The following SCN11A variants were observed in gnomAD, a reference collection of about 807,000 sequenced individuals.
The protein encoded by SCN11A is sodium channel protein type 11 subunit alpha.
In SCN11A, 122 loss-of-function variants were observed where a neutral mutation model predicts 162.2. The observed-to-expected ratio is 0.75, with a 90% CI of 0.65 to 0.87. The LOEUF is 0.87. Ranked by LOEUF, SCN11A falls within the 40% of genes least tolerant of loss-of-function variation. The pLI is 0.00. For synonymous variants in SCN11A, 758 were observed against 751.5 expected, an observed-to-expected ratio of 1.01 and a Z score of -0.14; for missense variants, 2,015 against 2,181.6, an observed-to-expected ratio of 0.92 and a Z score of 1.52.
At chr3:38,893,682 G>C (rs181077404) in intron 19 of SCN11A, among the ~76,000 whole-genome samples, 65 of 152,036 alleles carry the variant, frequency 4.3e-4, no homozygotes, top group African/African-American at 1.3e-3. Context: ...TGATCACAAT[G>C]GAGTGAAATT....
rs756763510 is a variant in SCN11A, at chr3:38,880,066, T to C, written c.3277A>G (p.Thr1093Ala). The C allele has an allele frequency of 6.2e-7, 1 of 1,610,678 alleles. No homozygotes were observed. ...AAAATATGTGTAAAAATAATGTCAG[T>C]ACAATTTAGTAATTCTTGGATTTTG... Reference protein sequence around the residue: ...QPKIQELLNCTDIIFTHIFIL... With the variant: ...QPKIQELLNCADIIFTHIFIL... The change falls in exon 23 of 30, where the codon ACT becomes GCT. Residue 1093 changes from threonine (T) to alanine (A), a missense_variant. By Grantham distance (58) the Thr-to-Ala change is moderately conservative (BLOSUM62 0). Coordinates refer to ENST00000302328, the MANE Select transcript of SCN11A (RefSeq NM_001349253.2).
chr3:38,965,706 T>C (rs1463221097), intron 2 of SCN11A, among the ~76,000 whole-genome samples: 1 of 152,220 alleles, frequency 6.6e-6, no homozygotes, highest in Admixed American at 6.5e-5. Context: ...TTTTTCTTTT[T>C]TTTTCATATG....
chr3:38,962,664 A>T (rs2066748873), intron 2 of SCN11A, among the ~76,000 whole-genome samples: 1 of 152,072 alleles, frequency 6.6e-6, no homozygotes, highest in Non-Finnish European at 1.5e-5. Flanking sequence ...CTTGGCCAAC[A>T]TGACAAAACC....
intron 2 of SCN11A, among the ~76,000 whole-genome samples, chr3:39,023,061 G>A (rs2031493572): frequency 6.6e-6 from 1 of 152,084 alleles, no homozygotes; most frequent in Non-Finnish European, 1.5e-5. Flanking sequence ...AGGGTATTGT[G>A]GTTATGCTTT....
At chr3:38,964,041 A>G (rs1478382756) in intron 2 of SCN11A, among the ~76,000 whole-genome samples, 1 of 152,252 alleles carries the variant, frequency 6.6e-6, no homozygotes, top group East Asian at 1.9e-4. Flanking sequence ...CACACAGGTC[A>G]CTTGAGTGGA....
intron 7 of SCN11A, among the ~76,000 whole-genome samples, chr3:38,942,519 T>G (rs1428052490): frequency 6.6e-6 from 1 of 152,096 alleles, no homozygotes; most frequent in African/African-American, 2.4e-5. Context: ...GAACTGAAAT[T>G]AGATAATAAT....
intron 9 of SCN11A, among the ~76,000 whole-genome samples, chr3:38,921,642 T>C (rs1050040708): frequency 1.3e-5 from 2 of 152,174 alleles, no homozygotes; most frequent in Admixed American, 6.5e-5. Flanking sequence ...ATTTAACATT[T>C]AGTAGATACT....
At chr3:38,992,503 C>T (rs1402448300) in intron 2 of SCN11A, among the ~76,000 whole-genome samples, 3 of 152,220 alleles carry the variant, frequency 2.0e-5, no homozygotes, top group Non-Finnish European at 4.4e-5. Flanking sequence ...CTGCCTTCCC[C>T]GCCTTGACAG....
intron 1 of SCN11A, among the ~76,000 whole-genome samples, chr3:39,049,964 CA>C (rs2032281987): frequency 2.0e-5 from 3 of 152,148 alleles, no homozygotes; most frequent in Non-Finnish European, 2.9e-5. Context: ...TTTTCAGGTC[CA>C]AAGCAGGACT....
At chr3:38,948,142 G>A (rs2066546581) in intron 5 of SCN11A, among the ~76,000 whole-genome samples, 1 of 152,132 alleles carries the variant, frequency 6.6e-6, no homozygotes, top group Non-Finnish European at 1.5e-5. Context: ...GAGCCACGGG[G>A]TTTTTTAAAA....
At chr3:38,995,819 G>GTCTA (rs373221139) in intron 2 of SCN11A, among the ~76,000 whole-genome samples, 10,655 of 141,714 alleles carry the variant, frequency 0.075, 450 homozygotes, top group African/African-American at 0.098. Flanking sequence ...CTATCTATCT[G>GTCTA]TCTATCTATC....
chr3:38,897,312 A>G lies in SCN11A; in HGVS notation c.2023-87T>C, dbSNP rs1287839670. 7.5e-6 allele frequency: 10 copies of G among 1,327,436 alleles called. No individual in the cohort carries two copies. The East Asian group carries it at 1.6e-4, about 22-fold the overall frequency. 82.2% of individuals were successfully genotyped at this position (1,327,436 alleles called of 1,614,324 possible). ...CTCATCTATAAAGCAAATGACATATACCCAAACTTATGACATCCAAAACTC... is the reference window on the plus strand; with the variant it reads ...CTCATCTATAAAGCAAATGACATATGCCCAAACTTATGACATCCAAAACTC... On this transcript the variant is annotated intron_variant, in intron 17 of 29. Coordinates refer to ENST00000302328, the MANE Select transcript of SCN11A (RefSeq NM_001349253.2).
intron 2 of SCN11A, among the ~76,000 whole-genome samples, chr3:39,010,417 T>C (rs1431519386): frequency 2.0e-5 from 3 of 151,880 alleles, no homozygotes; most frequent in South Asian, 2.1e-4. Context: ...TTTCGCTTTG[T>C]TCCCCAAGCT....
chr3:38,903,814 ATACTT>A lies in SCN11A; in HGVS notation c.1842+46_1842+50del, dbSNP rs10575587. Reference sequence around the variant, plus strand: ...AAAATGTTTAGACTTTGAAAAAGTTATACTTTAAAGTATGAAATATGTTTTTTATT... The same window carrying A: ...AAAATGTTTAGACTTTGAAAAAGTTATAAAGTATGAAATATGTTTTTTATT... On this transcript the variant is annotated intron_variant, in intron 16 of 29. Transcript: ENST00000302328. 0.014 allele frequency: 19,324 copies of A among 1,351,484 alleles called. 1,825 individuals carry two copies. The African/African-American group carries it at 0.23, about 16-fold the overall frequency. The allele number at this position is 1,351,484 out of a possible 1,614,324, so 83.7% of individuals were successfully genotyped here.
intron 27 of SCN11A, among the ~76,000 whole-genome samples, chr3:38,863,999 A>G (rs148631432): frequency 5.3e-4 from 80 of 152,294 alleles, no homozygotes; most frequent in African/African-American, 1.6e-3. Context: ...TAGAACATTT[A>G]CTAATCTCTG....
Position 38,920,900 on chromosome 3 carries a change from A to G in SCN11A, c.892+176T>C, listed in dbSNP as rs57068397. ...AGACTTTCCTTCTCCATAGGAAGCC[A>G]AAGAATGAGGCAATTCTCTAGGAAA... On this transcript the variant is annotated intron_variant, in intron 10 of 29. Coordinates refer to ENST00000302328, the MANE Select transcript of SCN11A (RefSeq NM_001349253.2). Among the ~76,000 whole-genome samples the G allele has an allele frequency of 3.6e-3, 544 of 152,280 alleles. 1 individual carries two copies. The highest frequency in any genetic ancestry group is 0.012 in the African/African-American group (516 of 41,556).
At chr3:38,981,043 A>G (rs1040143193) in intron 2 of SCN11A, among the ~76,000 whole-genome samples, 1 of 141,748 alleles carries the variant, frequency 7.1e-6, no homozygotes, top group Non-Finnish European at 1.5e-5. Context: ...GTAGCAGAAC[A>G]AACCCTGTAA....
At position 38,946,743 on chromosome 3, in the gene SCN11A, C is replaced by T. The variant is rs199843247; in HGVS notation, c.386+46G>A. 4.8e-4 allele frequency: 626 copies of T among 1,308,550 alleles called. 6 individuals carry two copies. The African/African-American group carries it at 7.0e-3, about 15-fold the overall frequency. The allele number at this position is 1,308,550 out of a possible 1,614,324, so 81.1% of individuals were successfully genotyped here. A position where few individuals can be genotyped will look rare whatever the true frequency, so the allele number is the denominator to read the frequency against. On this transcript the variant is annotated intron_variant, in intron 6 of 29. Coordinates refer to ENST00000302328, the MANE Select transcript of SCN11A (RefSeq NM_001349253.2). ...ACATGAACACCGTGGGGCACGTGCA[C>T]TTTTCAAATGATCTGGACTTAGTAA...
chr3:39,048,325 G>C (rs2032234309), intron 1 of SCN11A, among the ~76,000 whole-genome samples: 1 of 152,192 alleles, frequency 6.6e-6, no homozygotes, highest in Non-Finnish European at 1.5e-5. Context: ...GTTGATCTCA[G>C]AGAAGTAGAG....
Sources: gnomAD v4.1 joint callset for allele counts (sites outside exome capture counted in the v4.1 genomes callset) on GRCh38, gnomAD v4.1.1 for gene constraint, MANE v1.5 for transcripts, NCBI Gene and HGNC (gene_info 2026-07-23, HGNC 2026-07-21) for gene names.